Variants in DNAH11 observed in about 807,000 individuals in gnomAD.
DNAH11 encodes axonemal beta dynein heavy chain 11.
Under a neutral mutation model 526.0 loss-of-function variants are expected in DNAH11, and 442 were observed. The observed-to-expected ratio is 0.84, with a 90% confidence interval of 0.78 to 0.91. The LOEUF (loss-of-function observed/expected upper bound fraction) is 0.91. Among genes scored for constraint, DNAH11 ranks in the 40% least tolerant of loss-of-function variants. DNAH11 has a pLI of 0.00. For synonymous variants in DNAH11, 2,461 were observed against 1,935.9 expected (o/e 1.27, Z -7.12); for missense variants, 6,989 against 5,448.7 (o/e 1.28, Z -8.90).
chr7:21,630,666 G>A (rs188068228), intron 25 of DNAH11, among the ~76,000 whole-genome samples: 3 of 152,208 alleles, frequency 2.0e-5, no homozygotes, highest in African/African-American at 7.2e-5. Context: ...CTACTGGCCT[G>A]TATTCTTTCT....
intron 65 of DNAH11, among the ~76,000 whole-genome samples, chr7:21,831,951 G>A (rs1471853544): frequency 1.4e-5 from 2 of 147,666 alleles, no homozygotes; most frequent in South Asian, 4.2e-4. Flanking sequence ...TTAGCCAGGT[G>A]TGGTGGCAGG....
chr7:21,564,145 A>AAACAAACCAG, intron 5 of DNAH11, 41 bp from the exon 6 acceptor site: 1 of 1,458,644 alleles, frequency 6.9e-7, no homozygotes, highest in Non-Finnish European at 9.2e-7. Flanking sequence ...AAAAAAAAAA[A>AAACAAACCAG]ACAAACCAGA....
At chr7:21,621,330 AT>A (rs1786044470) in intron 25 of DNAH11, among the ~76,000 whole-genome samples, 1 of 152,242 alleles carries the variant, frequency 6.6e-6, no homozygotes, top group South Asian at 2.1e-4. Flanking sequence ...GCAATAATCA[AT>A]AGCTTACCAA....
intron 9 of DNAH11, among the ~76,000 whole-genome samples, chr7:21,585,406 C>G (rs150909286): frequency 4.1e-4 from 63 of 152,176 alleles, no homozygotes; most frequent in African/African-American, 1.5e-3. Flanking sequence ...TGAGCTCAGA[C>G]CATTTACTGT....
At chr7:21,745,409 C>T (rs112590663) in intron 51 of DNAH11, among the ~76,000 whole-genome samples, 13 of 152,194 alleles carry the variant, frequency 8.5e-5, no homozygotes, top group Non-Finnish European at 1.8e-4. Flanking sequence ...AGGAACATTG[C>T]CAGCCTTTCA....
intron 12 of DNAH11, among the ~76,000 whole-genome samples, chr7:21,590,018 G>A (rs182285623): frequency 6.6e-6 from 1 of 152,140 alleles, no homozygotes; most frequent in East Asian, 1.9e-4. Context: ...GTTAAATAAT[G>A]TCCAGGATGA....
At chr7:21,757,212 T>C (rs1186343666) in intron 54 of DNAH11, among the ~76,000 whole-genome samples, 1 of 152,190 alleles carries the variant, frequency 6.6e-6, no homozygotes, top group African/African-American at 2.4e-5. Flanking sequence ...TTCCTACATC[T>C]TGGGACAGCC....
chr7:21,632,956 A>G (rs191584031), intron 25 of DNAH11, among the ~76,000 whole-genome samples: 173 of 152,356 alleles, frequency 1.1e-3, no homozygotes, highest in African/African-American at 4.1e-3. Flanking sequence ...AAAGAGGTTT[A>G]TTGGACATAC....
intron 54 of DNAH11, among the ~76,000 whole-genome samples, chr7:21,751,409 A>G (rs1292527158): frequency 1.3e-5 from 2 of 152,194 alleles, no homozygotes; most frequent in African/African-American, 4.8e-5. Flanking sequence ...ATAGTGTATC[A>G]CATAGGCAGA....
At chr7:21,686,094 A>G (rs948380998) in intron 32 of DNAH11, among the ~76,000 whole-genome samples, 1 of 152,236 alleles carries the variant, frequency 6.6e-6, no homozygotes, top group Non-Finnish European at 1.5e-5. Flanking sequence ...ACACTTAAAC[A>G]TGCAATGGAT....
chr7:21,707,863 A>T (rs371088724), intron 40 of DNAH11, 28 bp downstream of exon 40: 17 of 1,473,512 alleles, frequency 1.2e-5, no homozygotes, highest in South Asian at 2.7e-5. Context: ...GAAGTGCTCA[A>T]TTTTTTTTTT....
intron 49 of DNAH11, 148 bp from the exon 50 acceptor site, chr7:21,744,290 A>C (rs1562522082): frequency 1.1e-6 from 1 of 923,192 alleles, no homozygotes; most frequent in East Asian, 2.5e-5. Context: ...GAGTAAACCT[A>C]CTTTTATACA....
rs1199501005 is a variant in DNAH11 at position 21,866,675 on chromosome 7, A to C, written c.11690+12A>C. 6.3e-7 allele frequency: 1 copy of C among 1,597,282 alleles called. No individual in the cohort carries two copies. Among genetic ancestry groups the C allele is most frequent in the Non-Finnish European group, 8.5e-7 (1 of 1,172,580 alleles). On this transcript the variant is annotated intron_variant, in intron 71 of 81. Coordinates refer to ENST00000409508, the MANE Select transcript of DNAH11 (RefSeq NM_001277115.2). Reference sequence around the variant, plus strand: ...ACGTATGCTCTCAGGTGGGGTGGTCAGCATTTTTGGAAACATGTATTAGTT... The same window carrying C: ...ACGTATGCTCTCAGGTGGGGTGGTCCGCATTTTTGGAAACATGTATTAGTT...
At chr7:21,633,176 G>A (rs1583548278) in intron 25 of DNAH11, among the ~76,000 whole-genome samples, 1 of 152,186 alleles carries the variant, frequency 6.6e-6, no homozygotes, top group East Asian at 1.9e-4. Context: ...CACAACATGT[G>A]AAAATTCAAG....
At chr7:21,727,481 T>A (rs545226547) in intron 45 of DNAH11, among the ~76,000 whole-genome samples, 4 of 152,370 alleles carry the variant, frequency 2.6e-5, no homozygotes, top group African/African-American at 9.6e-5. Context: ...TTCACAGTCA[T>A]GTGACAGCTA....
At chr7:21,773,193 G>T (rs935949563) in intron 55 of DNAH11, among the ~76,000 whole-genome samples, 5 of 152,182 alleles carry the variant, frequency 3.3e-5, no homozygotes, top group African/African-American at 7.2e-5. Context: ...CTCATTGAAG[G>T]AGAGTTGCTC....
At position 21,778,405 on chromosome 7, in the gene DNAH11, T is replaced by A. The variant is rs143136997; in HGVS notation, c.9337-553T>A. Among the ~76,000 whole-genome samples the A allele has an allele frequency of 2.9e-3, 447 of 152,252 alleles. 4 individuals carry two copies. The highest frequency in any genetic ancestry group is 9.9e-3 in the African/African-American group (411 of 41,560). Reference sequence around the variant, plus strand: ...ATTGGGTTAGCTTCATGATCATAAATGAGGTGAAAAAAATCAAGAGGCCTA... The same window carrying A: ...ATTGGGTTAGCTTCATGATCATAAAAGAGGTGAAAAAAATCAAGAGGCCTA... On this transcript the variant is annotated intron_variant, in intron 56 of 81. Transcript: ENST00000409508.
intron 30 of DNAH11, among the ~76,000 whole-genome samples, chr7:21,674,167 C>G (rs1174810666): frequency 6.6e-6 from 1 of 151,878 alleles, no homozygotes; most frequent in Admixed American, 6.6e-5. Context: ...TCAAGCAATT[C>G]TTCTGCCTCA....
chr7:21,881,256 CATAACACTGCATTA>C (rs1267625205), intron 75 of DNAH11, among the ~76,000 whole-genome samples: 1 of 152,194 alleles, frequency 6.6e-6, no homozygotes, highest in Non-Finnish European at 1.5e-5. Flanking sequence ...TCTGACAGTT[CATAACACTGCATTA>C]ATAATCACTA....
Sources: allele counts gnomAD v4.1 joint callset (sites outside exome capture counted in the v4.1 genomes callset), GRCh38; gene constraint gnomAD v4.1.1; transcripts MANE v1.5; gene names NCBI Gene and HGNC (gene_info 2026-07-23, HGNC 2026-07-21).